Variants in ZGRF1 observed in about 807,000 individuals in gnomAD.
ZGRF1 encodes the protein zinc finger GRF-type containing 1.
Under a neutral mutation model 203.5 loss-of-function variants are expected in ZGRF1, and 196 were observed. The ratio of observed to expected loss-of-function variants is 0.96; its 90% CI spans 0.86 to 1.08. The LOEUF is 1.08. Ranked by LOEUF, ZGRF1 falls within the 50% of genes least tolerant of loss-of-function variation. The probability of loss-of-function intolerance (pLI) is 0.00; values close to 1 mark genes in which losing one functional copy is unlikely to be tolerated. For missense variants in ZGRF1, 2,326 were observed against 2,416.3 expected (o/e 0.96, Z 0.78); for synonymous variants, 809 against 841.3 (o/e 0.96, Z 0.66).
chr4:112,550,017 C>T (rs1739611990), intron 22 of ZGRF1, among the ~76,000 whole-genome samples: 1 of 151,942 alleles, frequency 6.6e-6, no homozygotes, highest in Admixed American at 6.6e-5. Context: ...ATGGTGAAAC[C>T]CCGTCTCTAC....
chr4:112,575,575 A>ACT (rs1214632562), intron 16 of ZGRF1, among the ~76,000 whole-genome samples: 1 of 152,184 alleles, frequency 6.6e-6, no homozygotes, highest in Non-Finnish European at 1.5e-5. Context: ...GGTCACTCCC[A>ACT]CTCTAATACT....
rs1423703909 is a variant in ZGRF1 at position 112,539,558 on chromosome 4, A to G, written c.6304T>C (p.Ser2102Pro). The G allele has an allele frequency of 2.2e-6, 3 of 1,384,182 alleles. No homozygotes were observed. The African/African-American group carries it at 4.3e-5, about 20-fold the overall frequency. 85.7% of individuals were successfully genotyped at this position (1,384,182 alleles called of 1,614,324 possible). A position where few individuals can be genotyped will look rare whatever the true frequency, so the allele number is the denominator to read the frequency against. Residue 2102 changes from serine to proline, a missense_variant, in exon 28 of 28, where the codon TCT becomes CCT. Transcript: ENST00000505019. ...KSEKEKSKDK[S>P]HS ...TACACCATGTCTTTTTATGAATGAG[A>G]TTTATCTTTAGATTTCTCTTTTTCA...
At position 112,612,527 on chromosome 4, in the gene ZGRF1, T is replaced by C; in HGVS notation, c.2664A>G (p.Gln888=). ...CTCTTAGAAAAAAAACCTGTACCTGTTGAGAATCCTTGTGCAGATGAGGAG... is the reference window on the plus strand; with the variant it reads ...CTCTTAGAAAAAAAACCTGTACCTGCTGAGAATCCTTGTGCAGATGAGGAG... ...PKSPHLHKDS[Q]QILKEDEVEL... is the part of the protein sequence containing the mutation. Residue 888 remains glutamine (Q), a synonymous_variant, in exon 7 of 28, where the codon CAA becomes CAG. Coordinates refer to ENST00000505019, the MANE Select transcript of ZGRF1 (RefSeq NM_018392.5). 1.3e-6 allele frequency: 2 copies of C among 1,596,976 alleles called. No individual in the cohort carries two copies. Among genetic ancestry groups the C allele is most frequent in the African/African-American group, 1.3e-5 (1 of 74,490 alleles).
At chr4:112,543,534 C>T (rs973984091) in intron 24 of ZGRF1, among the ~76,000 whole-genome samples, 1 of 151,960 alleles carries the variant, frequency 6.6e-6, no homozygotes, top group African/African-American at 2.4e-5. Flanking sequence ...TTTAGAATTC[C>T]CCCAAATAAA....
At chr4:112,583,318 A>G (rs565400896) in intron 15 of ZGRF1, among the ~76,000 whole-genome samples, 21 of 152,364 alleles carry the variant, frequency 1.4e-4, no homozygotes, top group African/African-American at 4.1e-4. Context: ...TAGTTCAGAC[A>G]TGCAAATGAT....
chr4:112,568,783 A>G (rs1206055942), intron 16 of ZGRF1, among the ~76,000 whole-genome samples: 2 of 151,790 alleles, frequency 1.3e-5, no homozygotes, highest in Non-Finnish European at 2.9e-5. Flanking sequence ...TGGGAGGCCA[A>G]GGCGGGCAGA....
intron 16 of ZGRF1, among the ~76,000 whole-genome samples, chr4:112,567,381 A>T (rs1743320370): frequency 6.6e-6 from 1 of 152,236 alleles, no homozygotes; most frequent in South Asian, 2.1e-4. Context: ...TGGACTATAG[A>T]ATCATATAGA....
chr4:112,565,069 A>G, intron 16 of ZGRF1: 2 of 1,252,004 alleles, frequency 1.6e-6, no homozygotes, highest in Non-Finnish European at 2.4e-6. Context: ...AGCCGCTCGC[A>G]AGAGTGTGCC....
intron 10 of ZGRF1, among the ~76,000 whole-genome samples, chr4:112,601,892 G>C (rs1007528714): frequency 6.6e-6 from 1 of 151,974 alleles, no homozygotes. Context: ...TTTTTTAAAA[G>C]ATAAGCACGT....
intron 20 of ZGRF1, 47 bp downstream of exon 20, chr4:112,558,103 A>G: frequency 6.5e-7 from 1 of 1,548,058 alleles, no homozygotes; most frequent in Non-Finnish European, 8.8e-7. Context: ...GCCTCTCTCA[A>G]CAATATCCCA....
chr4:112,581,198 T>C (rs1038889459), intron 16 of ZGRF1, among the ~76,000 whole-genome samples: 1 of 146,506 alleles, frequency 6.8e-6, no homozygotes, highest in South Asian at 2.1e-4. Context: ...AAACACCGCA[T>C]GTTCTCACTC....
Position 112,587,388 on chromosome 4 carries a change from G to A in ZGRF1, c.3669C>T (p.Ser1223=), listed in dbSNP as rs139369872. 16 of 1,613,702 alleles carry A rather than the reference G, an allele frequency of 9.9e-6. No homozygotes were observed. The highest frequency in any genetic ancestry group is 1.7e-5 in the Admixed American group (1 of 59,966). The change falls in exon 12 of 28, where the codon TCC becomes TCT. Residue 1223 remains serine, a synonymous_variant. Coordinates refer to ENST00000505019, the MANE Select transcript of ZGRF1 (RefSeq NM_018392.5). ...AATTCAGAGAAAGTACTTTCTTTCT[G>A]GAAACCGAATCTTGACTGCTAAAAT... is the stretch of plus-strand genomic sequence containing the variant. The part of the protein sequence containing the change: ...RQDFSSQDSV[S]RKKVLSLNLK...
In ZGRF1 at chr4:112,631,990, CTTTT is replaced by C; in HGVS notation, c.38_41del (p.Gln13ArgfsTer2). ...CTTGCCACACTTTTGACTTCTTCATCTTTTGATGAGTATATAGAACCTTATTTCC... is the reference window on the plus strand; with the variant it reads ...CTTGCCACACTTTTGACTTCTTCATCGATGAGTATATAGAACCTTATTTCC... On this transcript the variant is annotated frameshift_variant, in exon 3 of 28. Coordinates refer to ENST00000505019, the MANE Select transcript of ZGRF1 (RefSeq NM_018392.5). LOFTEE classifies it high-confidence loss of function. 1 of 1,586,706 alleles carries C rather than the reference CTTTT, an allele frequency of 6.3e-7. No individual in the cohort carries two copies. The highest frequency in any genetic ancestry group is 8.6e-7 in the Non-Finnish European group (1 of 1,163,918).
intron 10 of ZGRF1, among the ~76,000 whole-genome samples, chr4:112,597,921 A>C (rs866517194): frequency 2.0e-5 from 3 of 150,722 alleles, no homozygotes; most frequent in Non-Finnish European, 2.9e-5. Flanking sequence ...AAAAAAAAAA[A>C]AAAGAATAAA....
chr4:112,553,685 T>C (rs941531844), intron 22 of ZGRF1, 150 bp downstream of exon 22: 17 of 635,914 alleles, frequency 2.7e-5, no homozygotes, highest in Non-Finnish European at 2.3e-5. Flanking sequence ...GTAGACTATA[T>C]CCAAGGATCC....
intron 10 of ZGRF1, among the ~76,000 whole-genome samples, chr4:112,601,974 G>A (rs941498359): frequency 2.6e-5 from 4 of 152,142 alleles, no homozygotes; most frequent in African/African-American, 4.8e-5. Flanking sequence ...GGAGGACGAG[G>A]CCGGCAGATC....
In ZGRF1 at chr4:112,633,215, A is replaced by G; in HGVS notation, c.-39T>C. On this transcript the variant is annotated 5_prime_UTR_variant, in exon 2 of 28. Coordinates refer to ENST00000505019, the MANE Select transcript of ZGRF1 (RefSeq NM_018392.5). ...GTTATAAACCAGCTGGGTCCAGAAA[A>G]TAGGAAATATTCAACTATTTATACC... 1 of 1,559,238 alleles carries G rather than the reference A, an allele frequency of 6.4e-7. No homozygotes were observed. Among genetic ancestry groups the G allele is most frequent in the African/African-American group, 1.4e-5 (1 of 73,580 alleles).
At chr4:112,553,219 A>G (rs776964638) in intron 22 of ZGRF1, among the ~76,000 whole-genome samples, 2 of 152,166 alleles carry the variant, frequency 1.3e-5, no homozygotes, top group Non-Finnish European at 2.9e-5. Flanking sequence ...CTCTCCTTTC[A>G]TAGGAGGAAG....
intron 15 of ZGRF1, 126 bp from the exon 16 acceptor site, chr4:112,581,928 AAAATAT>A (rs1746335570): frequency 4.7e-6 from 2 of 429,974 alleles, no homozygotes; most frequent in South Asian, 9.6e-5. Context: ...ACATGTATAC[AAAATAT>A]AAATATACTG....
Sources: allele counts gnomAD v4.1 joint callset (sites outside exome capture counted in the v4.1 genomes callset), GRCh38; gene constraint gnomAD v4.1.1; transcripts MANE v1.5; gene names NCBI Gene and HGNC (gene_info 2026-07-23, HGNC 2026-07-21).